GATAD2A: variants seen among roughly 807,000 people sequenced by gnomAD.
The protein encoded by GATAD2A is GATA zinc finger domain containing 2A.
In GATAD2A, 12 loss-of-function variants were observed where a neutral mutation model predicts 68.5. The ratio of observed to expected loss-of-function variants is 0.18; its 90% CI spans 0.11 to 0.28. The LOEUF is 0.28. Ranked by LOEUF, GATAD2A falls within the 10% of genes least tolerant of loss-of-function variation. The probability of loss-of-function intolerance (pLI) is 1.00; values close to 1 mark genes in which losing one functional copy is unlikely to be tolerated. For synonymous variants in GATAD2A, 410 were observed against 375.3 expected (o/e 1.09, Z -1.07); for missense variants, 755 against 868.5 (o/e 0.87, Z 1.64).
chr19:19,487,570 C>G (rs776931524), intron 2 of GATAD2A, among the ~76,000 whole-genome samples: 36 of 151,994 alleles, frequency 2.4e-4, no homozygotes, highest in Non-Finnish European at 1.0e-4. Flanking sequence ...TTGGGAAGCT[C>G]TGGGGGGTTT....
At chr19:19,494,072 G>A in intron 4 of GATAD2A, among the ~76,000 whole-genome samples, 1 of 152,154 alleles carries the variant, frequency 6.6e-6, no homozygotes, top group East Asian at 1.9e-4. Context: ...GAGAGTAGGG[G>A]GTGGGGCTGC....
chr19:19,397,614 T>C (rs1599981424), intron 1 of GATAD2A, among the ~76,000 whole-genome samples: 1 of 152,348 alleles, frequency 6.6e-6, no homozygotes, highest in South Asian at 2.1e-4. Flanking sequence ...GTATACTGTA[T>C]ATGTAGACTT....
chr19:19,483,781 ATTT>A lies in GATAD2A; in HGVS notation c.270-8507_270-8505del, dbSNP rs540958459. On this transcript the variant is annotated intron_variant, in intron 2 of 11. Transcript: ENST00000683918. ...AGGTGCCCGCCACCATACCCGGCTA[ATTT>A]TTTTTTTTTTTTTTTTTGTATTTTT... 2.5e-3 allele frequency among the ~76,000 whole-genome samples: 325 copies of A among 129,986 alleles called. 1 individual carries two copies. The highest frequency in any genetic ancestry group is 6.2e-3 in the African/African-American group (206 of 33,184). The allele number at this position is 129,986 out of a possible 152,430, so 85.3% of individuals were successfully genotyped here.
chr19:19,480,054 G>A (rs544866629), intron 2 of GATAD2A, among the ~76,000 whole-genome samples: 17 of 152,010 alleles, frequency 1.1e-4, no homozygotes, highest in Middle Eastern at 6.8e-3. Context: ...TGATCCACCC[G>A]CCTCGGCTCC....
intron 11 of GATAD2A, among the ~76,000 whole-genome samples, chr19:19,504,595 A>AAAC (rs530459178): frequency 4.6e-5 from 7 of 151,654 alleles, no homozygotes; most frequent in South Asian, 2.1e-4. Flanking sequence ...TGAGACCAGT[A>AAAC]AACAACAACA....
At chr19:19,425,076 A>C (rs932643599) in intron 1 of GATAD2A, among the ~76,000 whole-genome samples, 12 of 152,124 alleles carry the variant, frequency 7.9e-5, no homozygotes, top group Admixed American at 2.0e-4. Flanking sequence ...AAAAAAAAAA[A>C]AAAACCCAAA....
Position 19,496,144 on chromosome 19 carries a change from A to T in GATAD2A, c.849A>T (p.Gly283=). ...CGGTGCCCAGTGTGCAGATTCAGGG[A>T]CAGAGGATCATCCAGCAGGGCCTCA... ...RASVPSVQIQ[G]QRIIQQGLIR... is the part of the protein sequence containing the mutation. Residue 283 remains glycine, a synonymous_variant, in exon 7 of 12, where the codon GGA becomes GGT. Transcript: ENST00000683918. 1.2e-6 allele frequency: 2 copies of T among 1,613,702 alleles called. No individual in the cohort carries two copies. Among genetic ancestry groups the T allele is most frequent in the Non-Finnish European group, 1.7e-6 (2 of 1,179,944 alleles).
chr19:19,402,688 A>G (rs2049862217), upstream of GATAD2A: 1 of 148,484 alleles, frequency 6.7e-6, no homozygotes, highest in Non-Finnish European at 1.5e-5. Flanking sequence ...ACTCTGTCTC[A>G]TTAAAAAAAA....
chr19:19,436,208 C>T, intron 1 of GATAD2A: 1 of 1,364,466 alleles, frequency 7.3e-7, no homozygotes, highest in Non-Finnish European at 9.8e-7. Flanking sequence ...GCACCCCATA[C>T]CCCGAAGCCA....
chr19:19,435,888 G>A (rs1054116165), intron 1 of GATAD2A, among the ~76,000 whole-genome samples: 1 of 152,158 alleles, frequency 6.6e-6, no homozygotes, highest in African/African-American at 2.4e-5. Context: ...CATCTGTATT[G>A]GTGAAGACAG....
At chr19:19,488,146 A>T (rs2059562881) in intron 2 of GATAD2A, among the ~76,000 whole-genome samples, 1 of 152,188 alleles carries the variant, frequency 6.6e-6, no homozygotes, top group Non-Finnish European at 1.5e-5. Flanking sequence ...CTTCATTTAT[A>T]CAAGTTCCGG....
chr19:19,488,252 C>T (rs1294506184), intron 2 of GATAD2A, among the ~76,000 whole-genome samples: 1 of 152,248 alleles, frequency 6.6e-6, no homozygotes, highest in Non-Finnish European at 1.5e-5. Context: ...ACCTGCCGCT[C>T]CCCTGTTGTG....
intron 11 of GATAD2A, among the ~76,000 whole-genome samples, chr19:19,502,772 A>G (rs996801151): frequency 4.6e-5 from 7 of 152,240 alleles, no homozygotes; most frequent in Non-Finnish European, 1.0e-4. Flanking sequence ...TTGACCGACA[A>G]AACATGGGCC....
chr19:19,501,181 C>T lies in GATAD2A; in HGVS notation c.1268C>T (p.Thr423Met). Residue 423 changes from threonine to methionine, a missense_variant, in exon 9 of 12, where the codon ACG (threonine) becomes ATG (methionine). By Grantham distance (81) the Thr-to-Met change is moderately conservative (BLOSUM62 -1). Transcript: ENST00000683918. ...CCCTACATGTGTGCACAGTGCAAGA[C>T]GGACTTCACGTGCCGCTGGCGGGAG... ...REPYMCAQCK[T>M]DFTCRWREEK... 2 of 1,613,488 alleles carry T rather than the reference C, an allele frequency of 1.2e-6. No homozygotes were observed. Among genetic ancestry groups the T allele is most frequent in the Non-Finnish European group, 1.7e-6 (2 of 1,179,952 alleles).
chr19:19,477,172 G>C lies in GATAD2A; in HGVS notation c.269+11558G>C, dbSNP rs140742293. Among the ~76,000 whole-genome samples the C allele has an allele frequency of 7.9e-5, 12 of 152,264 alleles. No homozygotes were observed. The East Asian group carries it at 2.3e-3, about 29-fold the overall frequency. On this transcript the variant is annotated intron_variant, in intron 2 of 11. Transcript: ENST00000683918. Reference sequence around the variant, plus strand: ...AAACACTGAGTTACCTGTGGCTGAGGCTCGGGCAGATGCCACCGTTCTCTC... The same window carrying C: ...AAACACTGAGTTACCTGTGGCTGAGCCTCGGGCAGATGCCACCGTTCTCTC...
In GATAD2A at chr19:19,465,549, C is replaced by T; in HGVS notation, c.204C>T (p.Ala68=). Residue 68 remains alanine, a synonymous_variant, in exon 2 of 12, where the codon GCC becomes GCT. Coordinates refer to ENST00000683918, the MANE Select transcript of GATAD2A (RefSeq NM_001384528.1). ...TGCTGAGGGCAACAGAGGCCACGGCCATGGCCATGGGCAGAGGCGAAGGGC... is the reference window on the plus strand; with the variant it reads ...TGCTGAGGGCAACAGAGGCCACGGCTATGGCCATGGGCAGAGGCGAAGGGC... The part of the protein sequence containing the change: ...QGLLRATEAT[A]MAMGRGEGLV... 6.2e-7 allele frequency: 1 copy of T among 1,613,868 alleles called. No homozygotes were observed. The highest frequency in any genetic ancestry group is 8.5e-7 in the Non-Finnish European group (1 of 1,179,772).
chr19:19,389,153 G>T (rs888375768), intron 1 of GATAD2A, among the ~76,000 whole-genome samples: 1 of 152,044 alleles, frequency 6.6e-6, no homozygotes, highest in African/African-American at 2.4e-5. Context: ...AGAGCTCTGT[G>T]GAGCCCAAGT....
At chr19:19,396,244 G>T (rs1344112597) in intron 1 of GATAD2A, among the ~76,000 whole-genome samples, 1 of 152,126 alleles carries the variant, frequency 6.6e-6, no homozygotes, top group African/African-American at 2.4e-5. Flanking sequence ...AACCTGGAAG[G>T]CGGAGGTTGC....
At chr19:19,436,773 C>T (rs1281618784) in intron 1 of GATAD2A, among the ~76,000 whole-genome samples, 1 of 152,198 alleles carries the variant, frequency 6.6e-6, no homozygotes, top group Non-Finnish European at 1.5e-5. Context: ...TGGTCAGCGA[C>T]GTTTTGGCCC....
Sources: allele counts gnomAD v4.1 joint callset (sites outside exome capture counted in the v4.1 genomes callset), GRCh38; gene constraint gnomAD v4.1.1; transcripts MANE v1.5; gene names NCBI Gene and HGNC (gene_info 2026-07-23, HGNC 2026-07-21).